KIAA1549L: variants seen among roughly 807,000 people sequenced by gnomAD.
The protein encoded by KIAA1549L is KIAA1549 like.
KIAA1549L carries 88 observed loss-of-function variants against 160.7 expected under a neutral mutation model. The observed-to-expected ratio is 0.55, with a 90% CI of 0.46 to 0.65. The LOEUF (loss-of-function observed/expected upper bound fraction) is 0.65, where lower values mean the gene tolerates loss of function less well. Ranked by LOEUF, KIAA1549L falls within the 30% of genes least tolerant of loss-of-function variation. The pLI, the probability that KIAA1549L is intolerant of heterozygous loss-of-function variation, is 0.00. For synonymous variants in KIAA1549L, 950 were observed against 976.7 expected (o/e 0.97, Z 0.51); for missense variants, 2,258 against 2,437.5 (o/e 0.93, Z 1.55).
At chr11:33,435,759 G>GATATAT (rs71034686) in intron 1 of KIAA1549L, among the ~76,000 whole-genome samples, 4 of 14,970 alleles carry the variant, frequency 2.7e-4, no homozygotes, top group Non-Finnish European at 3.4e-4. Flanking sequence ...GAACCAATAA[G>GATATAT]ATATATATAT....
intron 1 of KIAA1549L, among the ~76,000 whole-genome samples, chr11:33,441,144 A>T (rs11823611): frequency 2.1e-5 from 3 of 146,188 alleles, no homozygotes; most frequent in Non-Finnish European, 4.5e-5. Context: ...TTGTTCAGTT[A>T]CCACCTATGA....
intron 13 of KIAA1549L, among the ~76,000 whole-genome samples, chr11:33,603,363 A>C (rs1404619441): frequency 6.6e-6 from 1 of 151,930 alleles, no homozygotes; most frequent in African/African-American, 2.4e-5. Context: ...AGGGGGGATT[A>C]GATTGTTGGT....
At chr11:33,628,168 G>T (rs971767581) in intron 16 of KIAA1549L, among the ~76,000 whole-genome samples, 4 of 151,940 alleles carry the variant, frequency 2.6e-5, no homozygotes, top group African/African-American at 7.3e-5. Flanking sequence ...TATAATTTCT[G>T]TTCTTTTACA....
chr11:33,476,154 G>A (rs1852281971), intron 1 of KIAA1549L, among the ~76,000 whole-genome samples: 1 of 152,244 alleles, frequency 6.6e-6, no homozygotes. Context: ...AACTGCCAAG[G>A]CAGCTTTGAA....
chr11:33,638,247 T>C (rs560186390), intron 16 of KIAA1549L, among the ~76,000 whole-genome samples: 1 of 151,500 alleles, frequency 6.6e-6, no homozygotes, highest in African/African-American at 2.4e-5. Flanking sequence ...ACTCCCTCAC[T>C]TTTTTTTTCA....
At chr11:33,476,032 A>G (rs1360477204) in intron 1 of KIAA1549L, among the ~76,000 whole-genome samples, 1 of 152,174 alleles carries the variant, frequency 6.6e-6, no homozygotes, top group Non-Finnish European at 1.5e-5. Context: ...GATCACACAC[A>G]TGATCTTTTA....
intron 1 of KIAA1549L, among the ~76,000 whole-genome samples, chr11:33,470,664 C>G (rs1330144221): frequency 6.6e-6 from 1 of 152,098 alleles, no homozygotes; most frequent in African/African-American, 2.4e-5. Flanking sequence ...TGGTCTTGAA[C>G]TCTTGAGTTC....
intron 1 of KIAA1549L, among the ~76,000 whole-genome samples, chr11:33,509,918 A>G (rs1590298525): frequency 6.6e-6 from 1 of 152,216 alleles, no homozygotes; most frequent in East Asian, 1.9e-4. Flanking sequence ...TTAGGGACTC[A>G]TTTCTCTCTG....
chr11:33,581,735 G>A (rs568878235), intron 10 of KIAA1549L, among the ~76,000 whole-genome samples: 24 of 151,952 alleles, frequency 1.6e-4, no homozygotes, highest in South Asian at 4.2e-4. Flanking sequence ...AGGTAATTAC[G>A]CCAATGAACA....
chr11:33,556,215 T>G (rs901354559), intron 6 of KIAA1549L, among the ~76,000 whole-genome samples: 4 of 152,200 alleles, frequency 2.6e-5, no homozygotes, highest in African/African-American at 9.6e-5. Context: ...AGTGGGAATG[T>G]CAAATAGTGC....
chr11:33,519,541 A>C (rs1853430687), intron 1 of KIAA1549L, among the ~76,000 whole-genome samples: 1 of 152,214 alleles, frequency 6.6e-6, no homozygotes, highest in Non-Finnish European at 1.5e-5. Flanking sequence ...CAATTACTTC[A>C]GGGTAGGAGA....
At chr11:33,452,068 A>G (rs988733395) in intron 1 of KIAA1549L, among the ~76,000 whole-genome samples, 1 of 152,186 alleles carries the variant, frequency 6.6e-6, no homozygotes, top group Admixed American at 6.5e-5. Context: ...CTTAAATCCA[A>G]AATCCCAGTA....
At chr11:33,483,236 AATGATTTGG>A (rs1852450147) in intron 1 of KIAA1549L, among the ~76,000 whole-genome samples, 1 of 152,164 alleles carries the variant, frequency 6.6e-6, no homozygotes, top group Non-Finnish European at 1.5e-5. Flanking sequence ...TTATGTAATA[AATGATTTGG>A]AGAAATTCTC....
intron 1 of KIAA1549L, among the ~76,000 whole-genome samples, chr11:33,447,454 C>A (rs1259657978): frequency 6.6e-6 from 1 of 151,530 alleles, no homozygotes; most frequent in Non-Finnish European, 1.5e-5. Context: ...TTTAAGATGT[C>A]TCCACATCCA....
chr11:33,538,863 A>G (rs559110902), intron 1 of KIAA1549L, among the ~76,000 whole-genome samples: 1 of 152,232 alleles, frequency 6.6e-6, no homozygotes. Context: ...TTGCCGGCCT[A>G]TATTTCTCTT....
rs530289046 is a variant in KIAA1549L, at chr11:33,670,387, G to T, written c.*2233G>T. ...GTTTGCAGAGCTATGGCTCCAGAGT[G>T]CTAAGAGGGTGGAGTCACAAATCAC... On this transcript the variant is annotated 3_prime_UTR_variant, in exon 21 of 21. Transcript: ENST00000658780. The T allele has an allele frequency of 1.3e-5, 2 of 152,220 alleles. No homozygotes were observed. Among genetic ancestry groups the T allele is most frequent in the Non-Finnish European group, 2.9e-5 (2 of 68,032 alleles). The allele number at this position is 152,220 out of a possible 1,614,324, so 9.4% of individuals were successfully genotyped here.
chr11:33,580,746 G>A (rs539061397), intron 10 of KIAA1549L, among the ~76,000 whole-genome samples: 58 of 152,262 alleles, frequency 3.8e-4, no homozygotes, highest in Admixed American at 3.5e-3. Context: ...TGAATGAAGT[G>A]GACAAAAATC....
chr11:33,441,321 T>C (rs892159972), intron 1 of KIAA1549L, among the ~76,000 whole-genome samples: 9 of 152,006 alleles, frequency 5.9e-5, no homozygotes, highest in Admixed American at 3.3e-4. Flanking sequence ...AGTCTATCAT[T>C]GTTGGACATT....
chr11:33,614,555 T>TATAC (rs1850741766), intron 15 of KIAA1549L, among the ~76,000 whole-genome samples: 8 of 14,016 alleles, frequency 5.7e-4, no homozygotes, highest in Non-Finnish European at 8.1e-4. Context: ...TATATATATA[T>TATAC]ATATATATAT....
Sources: gnomAD v4.1 joint callset for allele counts (sites outside exome capture counted in the v4.1 genomes callset) on GRCh38, gnomAD v4.1.1 for gene constraint, MANE v1.5 for transcripts, NCBI Gene and HGNC (gene_info 2026-07-23, HGNC 2026-07-21) for gene names.